Variants in PTK2 observed in about 807,000 individuals in gnomAD.
PTK2 encodes focal adhesion kinase 1.
PTK2 carries 45 observed loss-of-function variants against 150.1 expected under a neutral mutation model. The ratio of observed to expected loss-of-function variants is 0.30; its 90% CI spans 0.24 to 0.38. PTK2 has a LOEUF of 0.38. Among genes scored for constraint, PTK2 ranks in the 10% least tolerant of loss-of-function variants. PTK2 has a pLI of 1.00. For synonymous variants in PTK2, 432 were observed against 449.2 expected, an observed-to-expected ratio of 0.96 and a Z score of 0.48; for missense variants, 919 against 1,307.3, an observed-to-expected ratio of 0.70 and a Z score of 4.58.
intron 8 of PTK2, among the ~76,000 whole-genome samples, chr8:140,823,162 C>A (rs1021089567): frequency 6.6e-6 from 1 of 152,180 alleles, no homozygotes; most frequent in African/African-American, 2.4e-5. Flanking sequence ...GGGACCAGAA[C>A]ACAATGACAA....
chr8:140,893,982 A>G (rs2100155105), intron 2 of PTK2, among the ~76,000 whole-genome samples: 1 of 152,216 alleles, frequency 6.6e-6, no homozygotes, highest in Non-Finnish European at 1.5e-5. Context: ...CTTCTGATCC[A>G]GCAATTCCAC....
rs563464262 is a variant in PTK2 at position 140,675,286 on chromosome 8, C to A, written c.2602+174G>T. 32 of 673,686 alleles carry A rather than the reference C, an allele frequency of 4.7e-5. No homozygotes were observed. The South Asian group carries it at 5.3e-4, about 11-fold the overall frequency. 41.7% of individuals were successfully genotyped at this position (673,686 alleles called of 1,614,324 possible). ...TTCTGATGCATTATACCAACAAATT[C>A]TTTTTCCCAATACTCTAGTAATGAG... On this transcript the variant is annotated intron_variant, in intron 28 of 31. Coordinates refer to ENST00000522684, the Ensembl canonical transcript of PTK2.
At chr8:140,851,981 ATG>A (rs749397018) in intron 5 of PTK2, among the ~76,000 whole-genome samples, 12 of 152,300 alleles carry the variant, frequency 7.9e-5, no homozygotes, top group South Asian at 4.1e-4. Context: ...GCACACATAC[ATG>A]TGTGTGCACA....
At chr8:140,820,832 G>A (rs1488879417) in intron 8 of PTK2, 2 of 152,294 alleles carry the variant, frequency 1.3e-5, no homozygotes, top group Non-Finnish European at 2.9e-5. Flanking sequence ...AGCAGACAGG[G>A]AAGATGGATT....
chr8:140,972,476 G>A (rs2100187666), intron 1 of PTK2, among the ~76,000 whole-genome samples: 1 of 152,150 alleles, frequency 6.6e-6, no homozygotes, highest in Non-Finnish European at 1.5e-5. Context: ...TGTTGGCCAG[G>A]CTGGTCTTTA....
At chr8:140,752,861 G>A (rs1367223580) in intron 16 of PTK2, among the ~76,000 whole-genome samples, 1 of 152,224 alleles carries the variant, frequency 6.6e-6, no homozygotes, top group East Asian at 1.9e-4. Context: ...GCAGGGAACA[G>A]TGTATAGCGT....
chr8:140,672,092 A>C (rs1394240673), intron 29 of PTK2: 1 of 441,582 alleles, frequency 2.3e-6, no homozygotes, highest in Non-Finnish European at 4.5e-6. Context: ...CTAAGGTGGT[A>C]CCGATCTACC....
intron 22 of PTK2, among the ~76,000 whole-genome samples, chr8:140,722,440 C>T (rs938023165): frequency 1.3e-5 from 2 of 151,720 alleles, no homozygotes; most frequent in African/African-American, 4.8e-5. Context: ...TTTTTTGTAA[C>T]AATTAAATAA....
At chr8:140,718,119 CA>C (rs2100040803) in intron 22 of PTK2, 1 of 176,494 alleles carries the variant, frequency 5.7e-6, no homozygotes, top group African/African-American at 2.3e-5. Context: ...GTGATCACGC[CA>C]GCACTTACGT....
chr8:140,745,719 G>A (rs1440940933), intron 18 of PTK2, among the ~76,000 whole-genome samples: 1 of 152,284 alleles, frequency 6.6e-6, no homozygotes, highest in South Asian at 2.1e-4. Context: ...AGAAAGTACG[G>A]CCATGCACGA....
intron 10 of PTK2, among the ~76,000 whole-genome samples, chr8:140,814,110 ACTGAAGCC>A (rs1342784923): frequency 2.0e-5 from 3 of 152,204 alleles, no homozygotes; most frequent in African/African-American, 7.2e-5. Context: ...CCAGGAAGAA[ACTGAAGCC>A]CTGAAGTGAC....
chr8:140,904,936 A>C (rs1334343376), intron 2 of PTK2, among the ~76,000 whole-genome samples: 1 of 151,984 alleles, frequency 6.6e-6, no homozygotes, highest in Non-Finnish European at 1.5e-5. Flanking sequence ...TAATCTTTTC[A>C]AAAAACCAGC....
rs141907066 is a variant in PTK2 at position 140,729,274 on chromosome 8, C to T, written c.2030+5977G>A. ...CAAAAACAAAAACTCCAAACAAAAA[C>T]TCCCAACACCCCCCAGCTGGAGTGA... is the stretch of plus-strand genomic sequence containing the variant. On this transcript the variant is annotated intron_variant, in intron 22 of 31. Transcript: ENST00000522684. 5.3e-5 allele frequency among the ~76,000 whole-genome samples: 8 copies of T among 152,248 alleles called. No homozygotes were observed. In the East Asian group the frequency reaches 1.5e-3, roughly 29 times the overall value.
intron 4 of PTK2, among the ~76,000 whole-genome samples, chr8:140,873,002 T>C (rs554141771): frequency 6.6e-6 from 1 of 152,356 alleles, no homozygotes; most frequent in African/African-American, 2.4e-5. Context: ...AGTTCATTCA[T>C]TTCAACTTGT....
At chr8:140,668,888 C>T (rs115872519) in intron 29 of PTK2, 205 of 156,070 alleles carry the variant, frequency 1.3e-3, no homozygotes, top group African/African-American at 4.8e-3. Flanking sequence ...CTTAGCTGCC[C>T]TCAGCCGCCT....
intron 16 of PTK2, among the ~76,000 whole-genome samples, chr8:140,758,853 A>G (rs780488171): frequency 6.6e-6 from 1 of 152,176 alleles, no homozygotes; most frequent in East Asian, 1.9e-4. Context: ...TGCAAACTCC[A>G]TTCATGGTAA....
At chr8:140,849,537 C>T (rs1463424580) in intron 5 of PTK2, among the ~76,000 whole-genome samples, 1 of 152,194 alleles carries the variant, frequency 6.6e-6, no homozygotes, top group Non-Finnish European at 1.5e-5. Context: ...ATATACCTAG[C>T]ACCATGTCAA....
chr8:140,814,714 G>A (rs899771901), intron 10 of PTK2, among the ~76,000 whole-genome samples: 7 of 151,088 alleles, frequency 4.6e-5, no homozygotes, highest in African/African-American at 1.7e-4. Context: ...CCTACAAACA[G>A]AAGTACCATA....
At chr8:140,758,869 C>G (rs1286866397) in intron 16 of PTK2, among the ~76,000 whole-genome samples, 1 of 152,142 alleles carries the variant, frequency 6.6e-6, no homozygotes, top group Non-Finnish European at 1.5e-5. Flanking sequence ...GGTAAGTGCC[C>G]TATATGAGTG....
Sources: gnomAD v4.1 joint callset for allele counts (sites outside exome capture counted in the v4.1 genomes callset) on GRCh38, gnomAD v4.1.1 for gene constraint, MANE v1.5 for transcripts, NCBI Gene and HGNC (gene_info 2026-07-23, HGNC 2026-07-21) for gene names.